ANKFN1: variants seen among roughly 807,000 people sequenced by gnomAD.
The protein encoded by ANKFN1 is ankyrin repeat and fibronectin type III domain containing 1.
Under a neutral mutation model 108.7 loss-of-function variants are expected in ANKFN1, and 74 were observed. The observed-to-expected ratio is 0.68, with a 90% CI of 0.56 to 0.83. The LOEUF (loss-of-function observed/expected upper bound fraction) is 0.83. Among genes scored for constraint, ANKFN1 ranks in the 40% least tolerant of loss-of-function variants. The pLI, the probability that ANKFN1 is intolerant of heterozygous loss-of-function variation, is 0.00. For synonymous variants in ANKFN1, 547 were observed against 516.2 expected (o/e 1.06, Z -0.81); for missense variants, 1,505 against 1,382.3 (o/e 1.09, Z -1.41).
chr17:56,364,273 T>C (rs2046604066), intron 6 of ANKFN1, among the ~76,000 whole-genome samples: 1 of 152,122 alleles, frequency 6.6e-6, no homozygotes, highest in Admixed American at 6.5e-5. Context: ...GAATAAGTGT[T>C]CTAAGTGTAA....
chr17:56,373,224 C>A (rs758202847), intron 7 of ANKFN1, among the ~76,000 whole-genome samples: 2 of 152,192 alleles, frequency 1.3e-5, no homozygotes, highest in African/African-American at 2.4e-5. Flanking sequence ...CTGCTCCAAG[C>A]TCAAGTTTAA....
chr17:56,236,278 C>T (rs996892890), intron 3 of ANKFN1, among the ~76,000 whole-genome samples: 3 of 151,986 alleles, frequency 2.0e-5, no homozygotes, highest in Admixed American at 6.6e-5. Context: ...AGGATGGTCT[C>T]GAACTCCTGA....
chr17:56,400,735 C>A (rs946109829), intron 8 of ANKFN1, among the ~76,000 whole-genome samples: 5 of 152,078 alleles, frequency 3.3e-5, no homozygotes, highest in African/African-American at 1.2e-4. Context: ...AGGTTTAAGT[C>A]CTTAATCCAT....
At chr17:56,366,462 GT>G (rs1213106142) in intron 6 of ANKFN1, among the ~76,000 whole-genome samples, 1 of 152,180 alleles carries the variant, frequency 6.6e-6, no homozygotes, top group Non-Finnish European at 1.5e-5. Context: ...CTGCAGCAGT[GT>G]CAGTAATGTC....
At chr17:56,304,616 A>G (rs1010903135) in intron 3 of ANKFN1, among the ~76,000 whole-genome samples, 1 of 152,174 alleles carries the variant, frequency 6.6e-6, no homozygotes, top group Non-Finnish European at 1.5e-5. Context: ...TACTCAATGT[A>G]TGAGTGATCC....
intron 4 of ANKFN1, among the ~76,000 whole-genome samples, chr17:56,084,136 C>T (rs945937297): frequency 4.0e-5 from 6 of 150,904 alleles, no homozygotes; most frequent in East Asian, 1.9e-4. Context: ...TGACTTCTAT[C>T]GAAATTTCTC....
chr17:56,195,384 C>G (rs2143720242), intron 1 of ANKFN1: 1 of 152,320 alleles, frequency 6.6e-6, no homozygotes, highest in Non-Finnish European at 1.5e-5. Flanking sequence ...CTCCTGCAGG[C>G]AAGTCCTTGG....
intron 8 of ANKFN1, among the ~76,000 whole-genome samples, chr17:56,394,350 C>T (rs1026630673): frequency 6.6e-6 from 1 of 152,192 alleles, no homozygotes; most frequent in East Asian, 1.9e-4. Flanking sequence ...CTTAGTAGAG[C>T]AGCTTATTCC....
At chr17:56,405,065 G>C (rs1325008085) in intron 8 of ANKFN1, among the ~76,000 whole-genome samples, 1 of 152,182 alleles carries the variant, frequency 6.6e-6, no homozygotes, top group East Asian at 1.9e-4. Flanking sequence ...TGGAGGTGGT[G>C]GTGGGGGGTA....
At chr17:56,262,508 A>G (rs1481781066) in intron 3 of ANKFN1, among the ~76,000 whole-genome samples, 1 of 152,200 alleles carries the variant, frequency 6.6e-6, no homozygotes, top group Non-Finnish European at 1.5e-5. Context: ...GGAGATTTAT[A>G]TGGAAATTCA....
intron 4 of ANKFN1, among the ~76,000 whole-genome samples, chr17:56,068,121 G>A (rs767594593): frequency 4.6e-5 from 7 of 152,090 alleles, no homozygotes; most frequent in Admixed American, 1.3e-4. Flanking sequence ...CTTGGCCTGG[G>A]AGACCCCATC....
At chr17:56,215,486 T>C (rs1373366508) in intron 2 of ANKFN1, among the ~76,000 whole-genome samples, 3 of 151,924 alleles carry the variant, frequency 2.0e-5, no homozygotes, top group Non-Finnish European at 4.4e-5. Flanking sequence ...GAAAACACAA[T>C]GAAAGGGACA....
chr17:56,055,000 G>T (rs748432703), intron 4 of ANKFN1, among the ~76,000 whole-genome samples: 23 of 151,966 alleles, frequency 1.5e-4, no homozygotes, highest in Admixed American at 3.3e-4. Context: ...ATCGTTGATG[G>T]CTGCTGACTG....
chr17:56,363,059 A>C lies in ANKFN1; in HGVS notation c.601+9013A>C, dbSNP rs375720257. On this transcript the variant is annotated intron_variant, in intron 6 of 20. Coordinates refer to ENST00000682825, the MANE Select transcript of ANKFN1 (RefSeq NM_001370326.1). ...CTCCATCTCTACTAAAAATACAAAA[A>C]TTTGCTGAGCATGGTGGCAGGTGCC... is the stretch of plus-strand genomic sequence containing the variant. Among the ~76,000 whole-genome samples the C allele has an allele frequency of 5.3e-5, 8 of 151,980 alleles. No homozygotes were observed. The East Asian group carries it at 9.7e-4, about 18-fold the overall frequency.
At position 56,125,014 on chromosome 17, in the gene ANKFN1, C is replaced by G. The variant is rs1015996073; in HGVS notation, c.288+78689C>G. Among the ~76,000 whole-genome samples the G allele has an allele frequency of 3.9e-5, 6 of 152,148 alleles. No homozygotes were observed. In the East Asian group the frequency reaches 1.2e-3, roughly 29 times the overall value. On this transcript the variant is annotated intron_variant, in intron 4 of 12. Transcript: ENST00000635860. ...TTGTCTCTCTGCTTTGCTCTTCTCC[C>G]CACTCTTCCCATCTTTAAATGCATA...
rs112056311 is a variant in ANKFN1, at chr17:56,235,097, T to C, written c.53+7140T>C. On this transcript the variant is annotated intron_variant, in intron 3 of 20. Coordinates refer to ENST00000682825, the MANE Select transcript of ANKFN1 (RefSeq NM_001370326.1). ...GTGGTTTTCATTTGCATTTCTCTAA[T>C]GTTCGGTGATATTTGACTTTTTTTC... Among the ~76,000 whole-genome samples, 622 of 152,346 alleles carry C rather than the reference T, an allele frequency of 4.1e-3. 3 individuals carry two copies. Among genetic ancestry groups the C allele is most frequent in the African/African-American group, 0.014 (590 of 41,578 alleles).
chr17:56,153,656 G>GAGA, intron 1 of ANKFN1, 126 bp downstream of exon 1: 2 of 1,305,124 alleles, frequency 1.5e-6, no homozygotes, highest in Non-Finnish European at 2.2e-6. Flanking sequence ...GAGCATCCAT[G>GAGA]GTCAGGCAGA....
chr17:56,149,492 A>T (rs1908466473), upstream of ANKFN1, among the ~76,000 whole-genome samples: 1 of 152,144 alleles, frequency 6.6e-6, no homozygotes, highest in Non-Finnish European at 1.5e-5. Flanking sequence ...AAAGGATATG[A>T]AAAGGGTTTT....
chr17:56,071,952 T>C (rs1309699434), intron 4 of ANKFN1, among the ~76,000 whole-genome samples: 1 of 152,234 alleles, frequency 6.6e-6, no homozygotes, highest in Non-Finnish European at 1.5e-5. Context: ...TTCTGGGCCC[T>C]CCGGGCACAG....
Sources: allele counts gnomAD v4.1 joint callset (sites outside exome capture counted in the v4.1 genomes callset), GRCh38; gene constraint gnomAD v4.1.1; transcripts MANE v1.5; gene names NCBI Gene and HGNC (gene_info 2026-07-23, HGNC 2026-07-21).